Variants in ARHGAP24 observed in about 807,000 individuals in gnomAD.
The protein encoded by ARHGAP24 is Rho GTPase activating protein 24.
ARHGAP24 carries 50 observed loss-of-function variants against 76.4 expected under a neutral mutation model. The observed-to-expected ratio is 0.65, with a 90% CI of 0.52 to 0.83. The LOEUF (loss-of-function observed/expected upper bound fraction) is 0.83. ARHGAP24 is among the 40% of genes least tolerant of loss of function. The pLI is 0.00. For synonymous variants in ARHGAP24, 345 were observed against 323.3 expected, an observed-to-expected ratio of 1.07 and a Z score of -0.72; for missense variants, 930 against 914.2, an observed-to-expected ratio of 1.02 and a Z score of -0.22.
chr4:85,512,172 C>T (rs1335569498), intron 1 of ARHGAP24, among the ~76,000 whole-genome samples: 1 of 152,234 alleles, frequency 6.6e-6, no homozygotes, highest in African/African-American at 2.4e-5. Flanking sequence ...GTTCAAGTCT[C>T]ATTTCCTCCA....
rs1351066215 is a variant in ARHGAP24 at position 86,001,125 on chromosome 4, A to T, written c.*403A>T. On this transcript the variant is annotated 3_prime_UTR_variant, in exon 10 of 10. Coordinates refer to ENST00000395184, the MANE Select transcript of ARHGAP24 (RefSeq NM_001025616.3). ...TTGTGTTATCATCGGCTTATTTTAT[A>T]GATCAATATTTTTATTTCCCTTTTT... is the stretch of plus-strand genomic sequence containing the variant. 5.2e-6 allele frequency: 2 copies of T among 380,964 alleles called. No individual in the cohort carries two copies. Among genetic ancestry groups the T allele is most frequent in the Non-Finnish European group, 9.1e-6 (2 of 219,940 alleles). The allele number at this position is 380,964 out of a possible 1,614,324, so 23.6% of individuals were successfully genotyped here.
chr4:85,849,889 G>A (rs993120840), intron 3 of ARHGAP24, among the ~76,000 whole-genome samples: 4 of 152,062 alleles, frequency 2.6e-5, no homozygotes, highest in African/African-American at 7.2e-5. Flanking sequence ...TGTTCATCGG[G>A]GATATTGGTC....
chr4:85,557,397 C>A (rs1353901931), intron 1 of ARHGAP24, among the ~76,000 whole-genome samples: 2 of 152,236 alleles, frequency 1.3e-5, no homozygotes, highest in African/African-American at 4.8e-5. Context: ...TGCCCAGACT[C>A]CCACGTAGTT....
At chr4:85,671,580 T>C (rs1189539329) in intron 2 of ARHGAP24, among the ~76,000 whole-genome samples, 3 of 152,212 alleles carry the variant, frequency 2.0e-5, no homozygotes, top group Non-Finnish European at 4.4e-5. Context: ...AGGTTTTAGC[T>C]GTAGACTTTT....
chr4:85,980,169 T>C (rs1739571310), intron 8 of ARHGAP24, among the ~76,000 whole-genome samples: 1 of 152,338 alleles, frequency 6.6e-6, no homozygotes, highest in East Asian at 1.9e-4. Context: ...GTGATACTCA[T>C]TGCTACTGGC....
chr4:85,606,976 G>C (rs1459745383), intron 2 of ARHGAP24, among the ~76,000 whole-genome samples: 1 of 152,180 alleles, frequency 6.6e-6, no homozygotes, highest in Non-Finnish European at 1.5e-5. Flanking sequence ...TAATAATACA[G>C]ACCTTACTTC....
chr4:85,619,596 A>C (rs1437363458), intron 2 of ARHGAP24, among the ~76,000 whole-genome samples: 1 of 151,940 alleles, frequency 6.6e-6, no homozygotes, highest in Non-Finnish European at 1.5e-5. Flanking sequence ...CAAACACAGA[A>C]TATCTTTCCA....
chr4:85,839,214 G>A (rs1054983978), intron 3 of ARHGAP24, among the ~76,000 whole-genome samples: 2 of 152,180 alleles, frequency 1.3e-5, no homozygotes, highest in African/African-American at 4.8e-5. Flanking sequence ...AGAGTAATTT[G>A]TAAGTATGTG....
Position 85,587,300 on chromosome 4 carries a change from G to A in ARHGAP24, c.180+16579G>A, listed in dbSNP as rs28645081. Among the ~76,000 whole-genome samples the A allele has an allele frequency of 4.3e-3, 651 of 152,198 alleles. 5 individuals are homozygous for A. The highest frequency in any genetic ancestry group is 0.015 in the African/African-American group (605 of 41,522). Reference sequence around the variant, plus strand: ...CATAAAGAGAAGGCCGAATGATGTCGCCATTACAGTACTGTCTGAACAAAA... The same window carrying A: ...CATAAAGAGAAGGCCGAATGATGTCACCATTACAGTACTGTCTGAACAAAA... On this transcript the variant is annotated intron_variant, in intron 2 of 9. Coordinates refer to ENST00000395184, the MANE Select transcript of ARHGAP24 (RefSeq NM_001025616.3).
chr4:85,643,896 A>T (rs1318304079), intron 2 of ARHGAP24, among the ~76,000 whole-genome samples: 2 of 152,206 alleles, frequency 1.3e-5, no homozygotes, highest in East Asian at 1.9e-4. Flanking sequence ...TCCAGGAAAG[A>T]TTAGCCTGAA....
chr4:85,576,445 T>G (rs1285530307), intron 2 of ARHGAP24, among the ~76,000 whole-genome samples: 3 of 150,036 alleles, frequency 2.0e-5, no homozygotes, highest in African/African-American at 7.4e-5. Flanking sequence ...AAAAAAAAAG[T>G]AAGTTCTAAT....
chr4:85,839,642 C>A (rs557300185), intron 3 of ARHGAP24, among the ~76,000 whole-genome samples: 1 of 151,482 alleles, frequency 6.6e-6, no homozygotes, highest in South Asian at 2.1e-4. Flanking sequence ...GTAGAGACCG[C>A]ATTTCACTAT....
At chr4:85,686,689 A>G (rs1320931457) in intron 2 of ARHGAP24, 1 of 152,208 alleles carries the variant, frequency 6.6e-6, no homozygotes, top group Non-Finnish European at 1.5e-5. Context: ...GGCTCATTGA[A>G]AAAGAAAAGT....
At chr4:85,698,050 G>A (rs2110023368) in intron 2 of ARHGAP24, among the ~76,000 whole-genome samples, 1 of 152,232 alleles carries the variant, frequency 6.6e-6, no homozygotes, top group Admixed American at 6.5e-5. Flanking sequence ...GGGGAGTGTG[G>A]GAGAGGAAGG....
Position 85,815,143 on chromosome 4 carries a change from C to T in ARHGAP24, c.268+93171C>T, listed in dbSNP as rs1729182971. 2.0e-5 allele frequency among the ~76,000 whole-genome samples: 3 copies of T among 152,218 alleles called. No individual in the cohort carries two copies. In the South Asian group the frequency reaches 6.2e-4, roughly 32 times the overall value. ...CAGCCCAGGGACCCTGGACCCAGCC[C>T]CCGAAACCATTTTCTCCCAGGCCTC... On this transcript the variant is annotated intron_variant, in intron 3 of 9. Transcript: ENST00000395184.
chr4:85,763,452 G>C (rs1246825506), intron 3 of ARHGAP24, among the ~76,000 whole-genome samples: 1 of 131,398 alleles, frequency 7.6e-6, no homozygotes, highest in Non-Finnish European at 1.6e-5. Flanking sequence ...AGGTCCCATA[G>C]GGAGGGAACA....
chr4:85,857,702 G>A (rs4693747), intron 3 of ARHGAP24, among the ~76,000 whole-genome samples: 72,395 of 151,952 alleles, frequency 0.48, 18,757 homozygotes, highest in East Asian at 0.86. Context: ...GAAAATAGGC[G>A]AGTGAATTTA....
At chr4:85,691,723 T>A (rs1723668366) in intron 2 of ARHGAP24, among the ~76,000 whole-genome samples, 2 of 152,244 alleles carry the variant, frequency 1.3e-5, no homozygotes, top group South Asian at 4.1e-4. Flanking sequence ...TTTGAGCCTG[T>A]GGGTGTCATT....
At chr4:85,859,383 T>A (rs1440873648) in intron 3 of ARHGAP24, among the ~76,000 whole-genome samples, 1 of 152,050 alleles carries the variant, frequency 6.6e-6, no homozygotes, top group Non-Finnish European at 1.5e-5. Flanking sequence ...GAACCTTAAA[T>A]AAATTTACTT....
Sources: gnomAD v4.1 joint callset for allele counts (sites outside exome capture counted in the v4.1 genomes callset) on GRCh38, gnomAD v4.1.1 for gene constraint, MANE v1.5 for transcripts, NCBI Gene and HGNC (gene_info 2026-07-23, HGNC 2026-07-21) for gene names.